Variants in RAD54B observed in about 807,000 individuals in gnomAD.
RAD54B encodes RAD54 homolog B, also known as DNA repair and recombination protein RAD54B.
A neutral mutation model predicts 95.8 loss-of-function variants in RAD54B; 78 were observed. The ratio of observed to expected loss-of-function variants is 0.81; its 90% CI spans 0.68 to 0.98. RAD54B has a LOEUF of 0.98. Ranked by LOEUF, RAD54B falls within the 50% of genes least tolerant of loss-of-function variation. The pLI is 0.00. For missense variants in RAD54B, 957 were observed against 1,056.6 expected (o/e 0.91, Z 1.31); for synonymous variants, 328 against 354.9 (o/e 0.92, Z 0.85).
chr8:94,385,527 A>G (rs1810867909), intron 11 of RAD54B, among the ~76,000 whole-genome samples: 2 of 152,222 alleles, frequency 1.3e-5, no homozygotes, highest in East Asian at 3.8e-4. Context: ...AGGTAGGTAC[A>G]GGATGCTATG....
chr8:94,437,897 A>C (rs1446116731), intron 3 of RAD54B, among the ~76,000 whole-genome samples: 2 of 152,234 alleles, frequency 1.3e-5, no homozygotes, highest in African/African-American at 2.4e-5. Context: ...TATATGATAC[A>C]TAATAATGTA....
chr8:94,442,373 C>T (rs976330456), intron 3 of RAD54B, among the ~76,000 whole-genome samples: 4 of 151,786 alleles, frequency 2.6e-5, no homozygotes, highest in South Asian at 4.2e-4. Context: ...GGAATCAAGA[C>T]CATCCTGGCT....
rs768444978 is a variant in RAD54B at position 94,461,896 on chromosome 8, G to C, written c.136-3460C>G. Among the ~76,000 whole-genome samples the C allele has an allele frequency of 4.6e-5, 7 of 152,166 alleles. No individual in the cohort carries two copies. The South Asian group carries it at 1.5e-3, about 32-fold the overall frequency. On this transcript the variant is annotated intron_variant, in intron 2 of 14. Coordinates refer to ENST00000336148, the MANE Select transcript of RAD54B (RefSeq NM_012415.3). ...GTATAATACCAGTATCTAATCCACA[G>C]TCTATATTCAAATTTGGTCACTTAT...
At chr8:94,429,252 T>C in intron 3 of RAD54B, 3 of 534,380 alleles carry the variant, frequency 5.6e-6, no homozygotes, top group Non-Finnish European at 7.2e-6. Flanking sequence ...TGCAGAAAAA[T>C]ATGATTGTAG....
intron 8 of RAD54B, among the ~76,000 whole-genome samples, chr8:94,398,295 T>C (rs770707837): frequency 3.9e-5 from 6 of 152,090 alleles, no homozygotes; most frequent in Non-Finnish European, 7.4e-5. Flanking sequence ...AAATCGCTTT[T>C]GATAATGGTT....
At chr8:94,413,349 T>C (rs1586148173) in intron 3 of RAD54B, among the ~76,000 whole-genome samples, 1 of 152,126 alleles carries the variant, frequency 6.6e-6, no homozygotes, top group Admixed American at 6.5e-5. Flanking sequence ...AAAAGACATA[T>C]AGACATTCCA....
chr8:94,372,917 G>C (rs1810477004), intron 14 of RAD54B: 1 of 152,560 alleles, frequency 6.6e-6, no homozygotes, highest in African/African-American at 2.4e-5. Context: ...AACCTTTTGA[G>C]CTTTCTAGAT....
chr8:94,400,513 T>C, intron 6 of RAD54B, 50 bp from the exon 7 acceptor site: 2 of 1,435,948 alleles, frequency 1.4e-6, no homozygotes, highest in South Asian at 1.3e-5. Context: ...AAATATTTTA[T>C]GCTCTTAAAA....
chr8:94,457,314 G>A (rs1812800613), intron 3 of RAD54B, among the ~76,000 whole-genome samples: 1 of 152,180 alleles, frequency 6.6e-6, no homozygotes, highest in East Asian at 1.9e-4. Context: ...GCCCAGAGCT[G>A]TTCCTAGGGA....
At chr8:94,441,661 C>G (rs1040396892) in intron 3 of RAD54B, among the ~76,000 whole-genome samples, 66 of 152,162 alleles carry the variant, frequency 4.3e-4, no homozygotes, top group Non-Finnish European at 1.3e-4. Context: ...AAATCACTGG[C>G]CACTGGTAAT....
At chr8:94,455,492 G>C (rs953151258) in intron 3 of RAD54B, among the ~76,000 whole-genome samples, 1 of 152,182 alleles carries the variant, frequency 6.6e-6, no homozygotes, top group African/African-American at 2.4e-5. Context: ...TCCTCTCACA[G>C]TTCTTCAGAA....
chr8:94,436,179 T>A (rs1373875163), intron 3 of RAD54B, among the ~76,000 whole-genome samples: 1 of 152,088 alleles, frequency 6.6e-6, no homozygotes, highest in Non-Finnish European at 1.5e-5. Context: ...AGAAGCAAAC[T>A]AAATAATTTA....
intron 3 of RAD54B, among the ~76,000 whole-genome samples, chr8:94,452,968 G>A (rs1563662965): frequency 6.6e-6 from 1 of 152,070 alleles, no homozygotes; most frequent in Non-Finnish European, 1.5e-5. Context: ...CACTCCTCAC[G>A]CATTGCTGAT....
chr8:94,464,370 G>A lies in RAD54B; in HGVS notation c.135+3035C>T, dbSNP rs1047551684. On this transcript the variant is annotated intron_variant, in intron 2 of 14. Transcript: ENST00000336148. ...AATGTGGTGACCTGTAGAAGCTGGA[G>A]AAAGCCAGGGAACAGATTTCCCCTA... Among the ~76,000 whole-genome samples the A allele has an allele frequency of 5.3e-5, 8 of 152,150 alleles. 1 individual carries two copies. The highest frequency in any genetic ancestry group is 1.9e-4 in the African/African-American group (8 of 41,394).
At chr8:94,412,191 A>G (rs1371471861) in intron 3 of RAD54B, among the ~76,000 whole-genome samples, 1 of 152,176 alleles carries the variant, frequency 6.6e-6, no homozygotes, top group East Asian at 1.9e-4. Flanking sequence ...ATGTTGTCAC[A>G]AGTGACAGGA....
chr8:94,458,453 T>C lies in RAD54B; in HGVS notation c.136-17A>G. The C allele has an allele frequency of 6.6e-7, 1 of 1,525,858 alleles. No homozygotes were observed. The highest frequency in any genetic ancestry group is 8.8e-7 in the Non-Finnish European group (1 of 1,139,606). 94.5% of individuals were successfully genotyped at this position (1,525,858 alleles called of 1,614,324 possible). On this transcript the variant is annotated splice_polypyrimidine_tract_variant and intron_variant, in intron 2 of 14. Transcript: ENST00000336148. ...TGCAACACCCTAAAAGAAACAAATA[T>C]ATATTTAAATCAGAACTCAAACCTA...
Position 94,380,241 on chromosome 8 carries a change from C to T in RAD54B, c.2151G>A (p.Leu717=). Reference sequence around the variant, plus strand: ...CTACACCACCAGCTTTTGAACTTAACAAAAAAATAAAAAAAGAAGAGTGTT... The same window carrying T: ...CTACACCACCAGCTTTTGAACTTAATAAAAAAATAAAAAAAGAAGAGTGTT... ...NSQHSSFFIF[L]LSSKAGGVGL... Residue 717 remains leucine (L), a synonymous_variant, in exon 12 of 15, where the codon TTG becomes TTA. Coordinates refer to ENST00000336148, the MANE Select transcript of RAD54B (RefSeq NM_012415.3). 1 of 1,613,138 alleles carries T rather than the reference C, an allele frequency of 6.2e-7. No homozygotes were observed. Among genetic ancestry groups the T allele is most frequent in the Non-Finnish European group, 8.5e-7 (1 of 1,179,572 alleles).
intron 3 of RAD54B, chr8:94,432,239 C>T (rs755250337): frequency 1.3e-6 from 2 of 1,550,344 alleles, no homozygotes; most frequent in South Asian, 1.2e-5. Context: ...GCCTTCTTTT[C>T]AATCCATCCC....
chr8:94,421,822 C>T (rs1811813694), intron 3 of RAD54B, among the ~76,000 whole-genome samples: 1 of 152,214 alleles, frequency 6.6e-6, no homozygotes, highest in African/African-American at 2.4e-5. Context: ...TTTGGTATTA[C>T]TGCAGGGGCT....
Sources: gnomAD v4.1 joint callset for allele counts (sites outside exome capture counted in the v4.1 genomes callset) on GRCh38, gnomAD v4.1.1 for gene constraint, MANE v1.5 for transcripts, NCBI Gene and HGNC (gene_info 2026-07-23, HGNC 2026-07-21) for gene names.